Variants in FHIP1B observed in about 807,000 individuals in gnomAD.
FHIP1B encodes FHF complex subunit HOOK interacting protein 1B.
Under a neutral mutation model 82.2 loss-of-function variants are expected in FHIP1B, and 28 were observed. The observed-to-expected ratio is 0.34, with a 90% CI of 0.25 to 0.47. FHIP1B has a LOEUF of 0.47. FHIP1B is among the 20% of genes least tolerant of loss of function. FHIP1B has a pLI of 1.00. For missense variants in FHIP1B, 1,110 were observed against 1,262.6 expected (o/e 0.88, Z 1.83); for synonymous variants, 585 against 516.1 (o/e 1.13, Z -1.81).
chr11:6,216,838 G>C (rs775552174), intron 9 of FHIP1B: 27 of 571,998 alleles, frequency 4.7e-5, no homozygotes, highest in Non-Finnish European at 7.7e-5. Context: ...TTGAAATCAA[G>C]TCCTTCTTTG....
Position 6,217,994 on chromosome 11 carries a change from G to C in FHIP1B, c.1592C>G (p.Ala531Gly), listed in dbSNP as rs779612049. Reference sequence around the variant, plus strand: ...GGTAGGCCGTCGGCCAGGGCTGGAGGCGGGGGATGCAGAAAGCCCTGGTGA... The same window carrying C: ...GGTAGGCCGTCGGCCAGGGCTGGAGCCGGGGGATGCAGAAAGCCCTGGTGA... ...PCSPGLSASPASSPGRRPTPA... is the reference protein window; with the variant it reads ...PCSPGLSASPGSSPGRRPTPA... Residue 531 changes from alanine (A) to glycine (G), a missense_variant, in exon 9 of 12, where the codon GCC (alanine) becomes GGC (glycine). By Grantham distance (60) the Ala-to-Gly change is moderately conservative. This residue lies in a region of FHIP1B where 418 missense variants were observed against 371.4 expected (regional missense o/e 1.13). Transcript: ENST00000449352. The C allele has an allele frequency of 2.5e-6, 4 of 1,613,648 alleles. No individual in the cohort carries two copies. Among genetic ancestry groups the C allele is most frequent in the Non-Finnish European group, 3.4e-6 (4 of 1,179,992 alleles).
Position 6,223,090 on chromosome 11 carries a change from G to A in FHIP1B, c.926C>T (p.Ala309Val), listed in dbSNP as rs1847461554. 6.3e-7 allele frequency: 1 copy of A among 1,580,528 alleles called. No homozygotes were observed. The highest frequency in any genetic ancestry group is 8.6e-7 in the Non-Finnish European group (1 of 1,166,486). ...LFMSSLEFCN[A>V]VIQVAHPLVQ... ...GACTTTCAGTCCTACCTGAATTACTGCATTGCAGAACTCCAGGGAACTCAT... is the reference window on the plus strand; with the variant it reads ...GACTTTCAGTCCTACCTGAATTACTACATTGCAGAACTCCAGGGAACTCAT... Residue 309 changes from alanine (A) to valine (V), a missense_variant, in exon 4 of 12, where the codon GCA (alanine) becomes GTA (valine). Ala to Val is a moderately conservative substitution (Grantham distance 64). Coordinates refer to ENST00000449352, the MANE Select transcript of FHIP1B (RefSeq NM_001098794.2). This position sits in a 1 kb window ranked among gnomAD's most constrained non-coding sequence, Gnocchi z 4.8.
chr11:6,231,205 G>C (rs1257925150), intron 1 of FHIP1B, among the ~76,000 whole-genome samples: 1 of 152,202 alleles, frequency 6.6e-6, no homozygotes, highest in Non-Finnish European at 1.5e-5. Flanking sequence ...AGAGCGAAAT[G>C]TATTAAGATT....
In FHIP1B at chr11:6,222,591, T is replaced by C. The variant is rs767841251; in HGVS notation, c.1042A>G (p.Ile348Val). Reference sequence around the variant, plus strand: ...AGTTCCAGATAGGCGGTACTGGCGATCATCTCCTCCACAGAGGTCTGCACA... The same window carrying C: ...AGTTCCAGATAGGCGGTACTGGCGACCATCTCCTCCACAGAGGTCTGCACA... ...ALHKTSVEEM[I>V]ASTAYLELFL... is the part of the protein sequence containing the mutation. The change falls in exon 6 of 12, where the codon ATC becomes GTC. Residue 348 changes from isoleucine to valine, a missense_variant. Transcript: ENST00000449352. 2.5e-6 allele frequency: 4 copies of C among 1,614,084 alleles called. No homozygotes were observed. The highest frequency in any genetic ancestry group is 2.5e-6 in the Non-Finnish European group (3 of 1,180,006).
At chr11:6,232,152 A>G (rs565773113) in intron 1 of FHIP1B, among the ~76,000 whole-genome samples, 1 of 152,338 alleles carries the variant, frequency 6.6e-6, no homozygotes, top group South Asian at 2.1e-4. Context: ...TATGATACAA[A>G]TCAAAATCCA....
chr11:6,225,726 G>A (rs1847546769), intron 1 of FHIP1B, among the ~76,000 whole-genome samples: 1 of 152,184 alleles, frequency 6.6e-6, no homozygotes, highest in Non-Finnish European at 1.5e-5. Flanking sequence ...AGAAATTTCT[G>A]TCTATCACAG....
In FHIP1B at chr11:6,211,751, C is replaced by T. The variant is rs1847079161; in HGVS notation, c.2674G>A (p.Gly892Ser). 1 of 1,614,090 alleles carries T rather than the reference C, an allele frequency of 6.2e-7. No homozygotes were observed. Among genetic ancestry groups the T allele is most frequent in the South Asian group, 1.1e-5 (1 of 91,092 alleles). Residue 892 changes from glycine (G) to serine (S), a missense_variant, in exon 12 of 12, where the codon GGC becomes AGC. Transcript: ENST00000449352. The part of the protein sequence containing the change: ...LQPGRDGAGL[G>S]LSGGSPGAST... ...GCCCCAGGGGAGCCCCCACTTAGGC[C>T]AAGTCCTGCTCCGTCTCGCCCAGGC...
intron 6 of FHIP1B, among the ~76,000 whole-genome samples, chr11:6,221,450 A>G (rs1564864375): frequency 1.3e-5 from 2 of 152,162 alleles, no homozygotes; most frequent in Admixed American, 6.5e-5. Flanking sequence ...AGTCTTTATA[A>G]CTTGGAAACC....
Position 6,224,604 on chromosome 11 carries a change from G to A in FHIP1B, c.-88C>T, listed in dbSNP as rs1333524213. The stretch of plus-strand genomic sequence containing the variant: ...TTTTCTCCACTTGTGTCTCCAGTCT[G>A]CTTCATCCGGTCTGTAGGAGCCAGT... On this transcript the variant is annotated 5_prime_UTR_variant, in exon 2 of 12. It introduces an in-frame stop codon into an upstream open reading frame of the 5' UTR. Transcript: ENST00000449352. 1 of 1,404,908 alleles carries A rather than the reference G, an allele frequency of 7.1e-7. No homozygotes were observed. Among genetic ancestry groups the A allele is most frequent in the South Asian group, 1.4e-5 (1 of 70,454 alleles). 87.0% of individuals were successfully genotyped at this position (1,404,908 alleles called of 1,614,324 possible).
rs201235818 is a variant in FHIP1B at position 6,217,829 on chromosome 11, C to T, written c.1757G>A (p.Ser586Asn). Residue 586 changes from serine to asparagine, a missense_variant, in exon 9 of 12, where the codon AGT (serine) becomes AAT (asparagine). By Grantham distance (46) the Ser-to-Asn change is conservative (BLOSUM62 1). This residue lies in a region of FHIP1B where 418 missense variants were observed against 371.4 expected (regional missense o/e 1.13). Coordinates refer to ENST00000449352, the MANE Select transcript of FHIP1B (RefSeq NM_001098794.2). The part of the protein sequence containing the change: ...YDGERPSPEP[S>N]PFGSRTKKRS... ...TTTCTTAGTCCGGGAGCCAAAAGGA[C>T]TGGGCTCAGGAGAGGGCCGCTCGCC... The T allele has an allele frequency of 5.0e-6, 8 of 1,613,588 alleles. No individual in the cohort carries two copies. Among genetic ancestry groups the T allele is most frequent in the Non-Finnish European group, 5.9e-6 (7 of 1,179,860 alleles).
chr11:6,230,405 G>A (rs886509196), intron 1 of FHIP1B, among the ~76,000 whole-genome samples: 14 of 152,162 alleles, frequency 9.2e-5, no homozygotes, highest in Admixed American at 2.6e-4. Flanking sequence ...CCTAAATACT[G>A]GAAGTTGAAT....
chr11:6,216,775 T>C (rs1382409720), intron 9 of FHIP1B: 1 of 474,150 alleles, frequency 2.1e-6, no homozygotes, highest in African/African-American at 1.9e-5. Context: ...GTCTTAGTGC[T>C]AGCAGACAGT....
At chr11:6,226,992 C>T (rs554693184) in intron 1 of FHIP1B, among the ~76,000 whole-genome samples, 4 of 152,258 alleles carry the variant, frequency 2.6e-5, no homozygotes, top group Admixed American at 1.3e-4. Context: ...ATCTGAGATT[C>T]GCCTCTATCT....
chr11:6,225,000 C>A (rs755736233), intron 1 of FHIP1B, among the ~76,000 whole-genome samples: 10 of 152,176 alleles, frequency 6.6e-5, no homozygotes, highest in Non-Finnish European at 1.3e-4. Flanking sequence ...AGTTCATCAG[C>A]AAACTCTATC....
intron 9 of FHIP1B, 117 bp from the exon 10 acceptor site, chr11:6,215,028 T>C (rs1167189362): frequency 4.8e-6 from 5 of 1,033,332 alleles, no homozygotes; most frequent in Middle Eastern, 4.3e-4. Flanking sequence ...TATGTCAGCC[T>C]CTGGGTATGT....
intron 5 of FHIP1B, 31 bp from the exon 6 acceptor site, chr11:6,222,640 G>A: frequency 6.2e-7 from 1 of 1,610,316 alleles, no homozygotes; most frequent in Non-Finnish European, 8.5e-7. Context: ...GTCTGGAAAT[G>A]CACAGCTTCC....
intron 1 of FHIP1B, among the ~76,000 whole-genome samples, chr11:6,230,061 T>C (rs1459824313): frequency 6.6e-6 from 1 of 150,824 alleles, no homozygotes; most frequent in Non-Finnish European, 1.5e-5. Flanking sequence ...AACGAGCTGA[T>C]CTCTCAGACC....
In FHIP1B at chr11:6,214,774, T is replaced by C; in HGVS notation, c.2353A>G (p.Thr785Ala). 6.2e-7 allele frequency: 1 copy of C among 1,603,518 alleles called. No homozygotes were observed. The highest frequency in any genetic ancestry group is 8.5e-7 in the Non-Finnish European group (1 of 1,174,722). ...ACACTGGGCTGGAAGACCATGTTGGTGTTGAGCAGGAAAGAGCGGAGCAGG... is the reference window on the plus strand; with the variant it reads ...ACACTGGGCTGGAAGACCATGTTGGCGTTGAGCAGGAAAGAGCGGAGCAGG... ...QPLLRSFLLNTNMVFQPSVKS... is the reference protein window; with the variant it reads ...QPLLRSFLLNANMVFQPSVKS... The change falls in exon 10 of 12, where the codon ACC becomes GCC. Residue 785 changes from threonine to alanine, a missense_variant. Transcript: ENST00000449352.
At chr11:6,231,709 A>G (rs765385090) in intron 1 of FHIP1B, among the ~76,000 whole-genome samples, 4 of 152,020 alleles carry the variant, frequency 2.6e-5, no homozygotes, top group Admixed American at 6.6e-5. Context: ...CAGGGTTTCA[A>G]AATGTTGCCC....
Sources: gnomAD v4.1 joint callset for allele counts (sites outside exome capture counted in the v4.1 genomes callset) on GRCh38, gnomAD v4.1.1 for gene constraint, gnomAD v4.1.1 regional missense constraint, Gnocchi (gnomAD v3.1) non-coding constraint, MANE v1.5 for transcripts, NCBI Gene and HGNC (gene_info 2026-07-23, HGNC 2026-07-21) for gene names.